The following CTIF variants were observed in gnomAD, a reference collection of about 807,000 sequenced individuals.
CTIF encodes the protein cap binding complex dependent translation initiation factor.
Under a neutral mutation model 66.0 loss-of-function variants are expected in CTIF, and 21 were observed. The ratio of observed to expected loss-of-function variants is 0.32; its 90% CI spans 0.23 to 0.46. The LOEUF (loss-of-function observed/expected upper bound fraction) is 0.46. CTIF is among the 20% of genes least tolerant of loss of function. The probability of loss-of-function intolerance (pLI) is 1.00; values close to 1 mark genes in which losing one functional copy is unlikely to be tolerated. For missense variants in CTIF, 739 were observed against 812.7 expected (o/e 0.91, Z 1.10); for synonymous variants, 345 against 326.4 (o/e 1.06, Z -0.62).
At chr18:48,557,280 G>A (rs575405289) in intron 1 of CTIF, among the ~76,000 whole-genome samples, 3 of 152,198 alleles carry the variant, frequency 2.0e-5, no homozygotes, top group Non-Finnish European at 4.4e-5. Flanking sequence ...GGCTACAGAG[G>A]GGGCTGGAAC....
chr18:48,572,520 A>G (rs1325599833), intron 1 of CTIF, among the ~76,000 whole-genome samples: 2 of 152,182 alleles, frequency 1.3e-5, no homozygotes, highest in African/African-American at 4.8e-5. Context: ...ATTGCCCAAG[A>G]TTACACAGCT....
At chr18:48,600,156 C>A (rs1308347830) in intron 1 of CTIF, among the ~76,000 whole-genome samples, 1 of 152,086 alleles carries the variant, frequency 6.6e-6, no homozygotes, top group Non-Finnish European at 1.5e-5. Flanking sequence ...TGCCCCCAAC[C>A]CCCGAGGCAT....
intron 5 of CTIF, among the ~76,000 whole-genome samples, chr18:48,668,610 C>T (rs1485743344): frequency 1.3e-5 from 2 of 152,026 alleles, no homozygotes; most frequent in African/African-American, 4.8e-5. Context: ...CCTTGCCTAC[C>T]CCTTGCACCC....
intron 10 of CTIF, among the ~76,000 whole-genome samples, chr18:48,842,979 A>C (rs1239013815): frequency 6.6e-6 from 1 of 152,106 alleles, no homozygotes; most frequent in African/African-American, 2.4e-5. Flanking sequence ...TGGCAGCCTG[A>C]GCCCCCTGCC....
At chr18:48,575,171 T>C (rs2089503801) in intron 1 of CTIF, among the ~76,000 whole-genome samples, 2 of 152,248 alleles carry the variant, frequency 1.3e-5, no homozygotes, top group Admixed American at 6.5e-5. Context: ...GGTCAGCACG[T>C]AGGCCTTGAG....
At chr18:48,575,997 G>A (rs1169411639) in intron 1 of CTIF, among the ~76,000 whole-genome samples, 1 of 152,260 alleles carries the variant, frequency 6.6e-6, no homozygotes, top group African/African-American at 2.4e-5. Flanking sequence ...GGCCTGTGCT[G>A]CAGAAACGTG....
At chr18:48,617,709 C>T (rs1294782404) in intron 1 of CTIF, among the ~76,000 whole-genome samples, 1 of 152,242 alleles carries the variant, frequency 6.6e-6, no homozygotes, top group Non-Finnish European at 1.5e-5. Flanking sequence ...GTGCATAGCC[C>T]AATCCCAGCT....
chr18:48,832,936 G>C (rs563260246), intron 10 of CTIF, among the ~76,000 whole-genome samples: 21 of 152,358 alleles, frequency 1.4e-4, no homozygotes, highest in African/African-American at 5.1e-4. Flanking sequence ...GCTGAGTCTG[G>C]GGGGCGGAGG....
chr18:48,695,452 G>A (rs2091992726), intron 6 of CTIF, among the ~76,000 whole-genome samples: 1 of 152,172 alleles, frequency 6.6e-6, no homozygotes, highest in Non-Finnish European at 1.5e-5. Flanking sequence ...TCTCATGACT[G>A]ATGCTCTTAT....
At chr18:48,630,773 T>A (rs900441777) in intron 2 of CTIF, among the ~76,000 whole-genome samples, 7 of 152,102 alleles carry the variant, frequency 4.6e-5, no homozygotes, top group Non-Finnish European at 8.8e-5. Flanking sequence ...CCTCCCGAGT[T>A]CATGCCATTC....
chr18:48,843,556 G>C (rs1262290102), intron 10 of CTIF, among the ~76,000 whole-genome samples: 1 of 152,062 alleles, frequency 6.6e-6, no homozygotes, highest in Admixed American at 6.5e-5. Flanking sequence ...ATTTATAATG[G>C]GGGCCCTGAG....
chr18:48,731,064 AAAG>A (rs2092453417), intron 7 of CTIF, among the ~76,000 whole-genome samples: 1 of 152,076 alleles, frequency 6.6e-6, no homozygotes, highest in South Asian at 2.1e-4. Context: ...TGAGGATGAG[AAAG>A]AAGAAGCTGA....
chr18:48,704,694 C>G (rs1568150970), intron 6 of CTIF, among the ~76,000 whole-genome samples: 1 of 152,226 alleles, frequency 6.6e-6, no homozygotes, highest in Non-Finnish European at 1.5e-5. Context: ...ACAAGGACAT[C>G]AGTCATATCG....
chr18:48,670,726 G>A lies in CTIF; in HGVS notation c.489G>A (p.Lys163=). The change falls in exon 6 of 12, where the codon AAG becomes AAA. Residue 163 remains lysine (K), a synonymous_variant. Coordinates refer to ENST00000256413, the MANE Select transcript of CTIF (RefSeq NM_014772.3). The stretch of plus-strand genomic sequence containing the variant: ...GCATCAACCTGAATGACATCGAGAA[G>A]GTCCTTCCAGCCTGGCAGGTAGGTG... The part of the protein sequence containing the change: ...GDGINLNDIE[K]VLPAWQGYHP... 6.2e-7 allele frequency: 1 copy of A among 1,614,138 alleles called. No individual in the cohort carries two copies. The highest frequency in any genetic ancestry group is 8.5e-7 in the Non-Finnish European group (1 of 1,179,976).
At chr18:48,657,049 G>A (rs1379502923) in intron 3 of CTIF, among the ~76,000 whole-genome samples, 1 of 152,246 alleles carries the variant, frequency 6.6e-6, no homozygotes, top group African/African-American at 2.4e-5. Context: ...CAAGGAAGTG[G>A]AGCCACGGTT....
intron 6 of CTIF, among the ~76,000 whole-genome samples, chr18:48,682,459 C>T (rs1376337207): frequency 6.6e-6 from 1 of 152,158 alleles, no homozygotes; most frequent in Non-Finnish European, 1.5e-5. Context: ...GAGAGGGGCC[C>T]AGTGGTCTGC....
At chr18:48,834,032 T>TTTCCC (rs1318549842) in intron 10 of CTIF, among the ~76,000 whole-genome samples, 2 of 138,664 alleles carry the variant, frequency 1.4e-5, no homozygotes, top group East Asian at 4.8e-4. Context: ...TTCCCCCTCC[T>TTTCCC]TTCCCCTCCC....
intron 1 of CTIF, among the ~76,000 whole-genome samples, chr18:48,568,811 A>C (rs1385250817): frequency 6.6e-6 from 1 of 152,056 alleles, no homozygotes; most frequent in African/African-American, 2.4e-5. Flanking sequence ...AAACCATCAG[A>C]TCTCGTGAGA....
intron 9 of CTIF, among the ~76,000 whole-genome samples, chr18:48,814,167 G>T (rs956109712): frequency 2.0e-5 from 3 of 152,196 alleles, no homozygotes; most frequent in African/African-American, 7.2e-5. Context: ...TCTTTGATGT[G>T]TGCCTTCATG....
Sources: allele counts gnomAD v4.1 joint callset (sites outside exome capture counted in the v4.1 genomes callset), GRCh38; gene constraint gnomAD v4.1.1; transcripts MANE v1.5; gene names NCBI Gene and HGNC (gene_info 2026-07-23, HGNC 2026-07-21).